SGMS1: variants seen among roughly 807,000 people sequenced by gnomAD.
SGMS1 encodes the protein phosphatidylcholine:ceramide cholinephosphotransferase 1.
Under a neutral mutation model 46.2 loss-of-function variants are expected in SGMS1, and 13 were observed. The ratio of observed to expected loss-of-function variants is 0.28; its 90% CI spans 0.18 to 0.45. The LOEUF (loss-of-function observed/expected upper bound fraction) is 0.45. Among genes scored for constraint, SGMS1 ranks in the 20% least tolerant of loss-of-function variants. The pLI, the probability that SGMS1 is intolerant of heterozygous loss-of-function variation, is 1.00. For missense variants in SGMS1, 324 were observed against 519.9 expected (o/e 0.62, Z 3.66); for synonymous variants, 203 against 187.8 (o/e 1.08, Z -0.66).
chr10:50,434,121 A>T (rs1849442648), intron 5 of SGMS1, among the ~76,000 whole-genome samples: 1 of 152,226 alleles, frequency 6.6e-6, no homozygotes, highest in Non-Finnish European at 1.5e-5. Flanking sequence ...CTACTGGAGG[A>T]TTCATATAAT....
intron 2 of SGMS1, among the ~76,000 whole-genome samples, chr10:50,583,028 G>T (rs1838449588): frequency 6.6e-6 from 1 of 152,156 alleles, no homozygotes; most frequent in African/African-American, 2.4e-5. Flanking sequence ...AGGCTAGCGT[G>T]CATGAGGCAC....
chr10:50,352,333 T>C (rs766331527), intron 6 of SGMS1, among the ~76,000 whole-genome samples: 1 of 151,924 alleles, frequency 6.6e-6, no homozygotes, highest in African/African-American at 2.4e-5. Flanking sequence ...AAATATCATA[T>C]CTAGACCCAG....
intron 6 of SGMS1, among the ~76,000 whole-genome samples, chr10:50,382,707 C>G (rs72801750): frequency 6.6e-6 from 1 of 151,906 alleles, no homozygotes; most frequent in African/African-American, 2.4e-5. Context: ...TAAATTTAGC[C>G]GACAGATCTA....
In SGMS1 at chr10:50,487,695, T is replaced by A. The variant is rs1037508667; in HGVS notation, c.-497-20763A>T. 2.6e-5 allele frequency among the ~76,000 whole-genome samples: 4 copies of A among 152,250 alleles called. No individual in the cohort carries two copies. In the East Asian group the frequency reaches 7.7e-4, roughly 29 times the overall value. On this transcript the variant is annotated intron_variant, in intron 3 of 10. Coordinates refer to ENST00000361781, the MANE Select transcript of SGMS1 (RefSeq NM_147156.4). Reference sequence around the variant, plus strand: ...CAGAACACATGAATGTACTTCTAGGTCATTAAACTATTAAATATTCTTCCA... The same window carrying A: ...CAGAACACATGAATGTACTTCTAGGACATTAAACTATTAAATATTCTTCCA...
intron 6 of SGMS1, among the ~76,000 whole-genome samples, chr10:50,362,429 T>C (rs550163613): frequency 5.3e-5 from 8 of 152,226 alleles, no homozygotes; most frequent in African/African-American, 1.9e-4. Flanking sequence ...AGAATCTCTC[T>C]AAGACCAGAA....
chr10:50,366,181 C>T (rs901616493), intron 6 of SGMS1, among the ~76,000 whole-genome samples: 1 of 152,168 alleles, frequency 6.6e-6, no homozygotes, highest in African/African-American at 2.4e-5. Flanking sequence ...ATCTACCCAT[C>T]TGACAAAGGT....
At chr10:50,392,190 T>A (rs370655985) in intron 6 of SGMS1, among the ~76,000 whole-genome samples, 5 of 147,396 alleles carry the variant, frequency 3.4e-5, no homozygotes, top group Non-Finnish European at 6.0e-5. Flanking sequence ...AAGTAAAAGT[T>A]AAAAAAAAAA....
chr10:50,396,364 T>C (rs1340208575), intron 6 of SGMS1, among the ~76,000 whole-genome samples: 2 of 152,290 alleles, frequency 1.3e-5, no homozygotes, highest in Non-Finnish European at 2.9e-5. Context: ...GTAAGGTACA[T>C]TTCTCTTCCC....
intron 2 of SGMS1, among the ~76,000 whole-genome samples, chr10:50,585,716 A>G (rs1018163921): frequency 2.6e-5 from 4 of 152,236 alleles, no homozygotes; most frequent in Non-Finnish European, 5.9e-5. Context: ...CTCTTTTACT[A>G]TACTTGATCT....
At chr10:50,448,717 C>CATT (rs200433023) in intron 5 of SGMS1, among the ~76,000 whole-genome samples, 11,199 of 135,642 alleles carry the variant, frequency 0.083, 1,114 homozygotes, top group East Asian at 0.38. Flanking sequence ...GTACTCCAGC[C>CATT]TGAGCAACAA....
intron 5 of SGMS1, among the ~76,000 whole-genome samples, chr10:50,449,065 G>C (rs1380256131): frequency 6.6e-6 from 1 of 152,064 alleles, no homozygotes; most frequent in Admixed American, 6.6e-5. Flanking sequence ...TATAAAATGA[G>C]AACAGAGGAA....
chr10:50,526,087 G>A (rs1003655258), intron 2 of SGMS1, among the ~76,000 whole-genome samples: 2 of 152,148 alleles, frequency 1.3e-5, no homozygotes, highest in Admixed American at 6.5e-5. Context: ...TGGGATTCAC[G>A]TGTGTATTAG....
intron 6 of SGMS1, among the ~76,000 whole-genome samples, chr10:50,356,792 T>C (rs1001476836): frequency 6.6e-6 from 1 of 152,004 alleles, no homozygotes; most frequent in Non-Finnish European, 1.5e-5. Flanking sequence ...GCTGGAACCA[T>C]CATTCTCAGC....
At chr10:50,493,683 T>C (rs1837585801) in intron 3 of SGMS1, among the ~76,000 whole-genome samples, 1 of 151,428 alleles carries the variant, frequency 6.6e-6, no homozygotes, top group African/African-American at 2.4e-5. Context: ...TCAAAAGAGA[T>C]ACATGCAGCC....
At chr10:50,411,385 G>A (rs1260447439) in intron 6 of SGMS1, among the ~76,000 whole-genome samples, 1 of 152,076 alleles carries the variant, frequency 6.6e-6, no homozygotes, top group Non-Finnish European at 1.5e-5. Context: ...TGCTTCAAAA[G>A]GGGGGAAAAA....
intron 6 of SGMS1, among the ~76,000 whole-genome samples, chr10:50,391,851 A>G (rs1316494711): frequency 6.6e-6 from 1 of 151,628 alleles, no homozygotes; most frequent in Non-Finnish European, 1.5e-5. Flanking sequence ...AAAAAAAAAA[A>G]AAAAAAAGAA....
intron 8 of SGMS1, among the ~76,000 whole-genome samples, chr10:50,320,962 C>T (rs540467415): frequency 6.6e-6 from 1 of 152,298 alleles, no homozygotes; most frequent in East Asian, 1.9e-4. Context: ...CTTCTGGATG[C>T]CCAGAGGGAG....
intron 6 of SGMS1, among the ~76,000 whole-genome samples, chr10:50,419,806 C>A (rs753332182): frequency 6.6e-6 from 1 of 152,158 alleles, no homozygotes; most frequent in Non-Finnish European, 1.5e-5. Flanking sequence ...GAGCAAAGAT[C>A]TCTTTGGAGA....
At chr10:50,534,346 T>C (rs1244937353) in intron 2 of SGMS1, among the ~76,000 whole-genome samples, 1 of 152,222 alleles carries the variant, frequency 6.6e-6, no homozygotes, top group Admixed American at 6.5e-5. Context: ...AAATAGACAT[T>C]GTGGACATTG....
Sources: allele counts gnomAD v4.1 joint callset (sites outside exome capture counted in the v4.1 genomes callset), GRCh38; gene constraint gnomAD v4.1.1; transcripts MANE v1.5; gene names NCBI Gene and HGNC (gene_info 2026-07-23, HGNC 2026-07-21).